Variants in EREG observed in about 807,000 individuals in gnomAD.
The protein encoded by EREG is proepiregulin.
A neutral mutation model predicts 22.4 loss-of-function variants in EREG; 23 were observed. The observed-to-expected ratio is 1.03, with a 90% CI of 0.74 to 1.46. The LOEUF (loss-of-function observed/expected upper bound fraction) is 1.46. Ranked by LOEUF, EREG falls within the 40% of genes most tolerant of loss-of-function variation. The pLI, the probability that EREG is intolerant of heterozygous loss-of-function variation, is 0.00. For missense variants in EREG, 226 were observed against 205.9 expected (o/e 1.10, Z -0.60); for synonymous variants, 100 against 75.4 (o/e 1.33, Z -1.69).
Position 74,370,953 on chromosome 4 carries a change from A to G in EREG, c.67+5578A>G, listed in dbSNP as rs779902420. ...TTTCAACCTTGTCTCAGTTGACATT[A>G]GGGACTAAATAATTCTTTGTTGCAG... On this transcript the variant is annotated intron_variant, in intron 1 of 4. Coordinates refer to ENST00000244869, the MANE Select transcript of EREG (RefSeq NM_001432.3). Among the ~76,000 whole-genome samples, 13 of 152,274 alleles carry G rather than the reference A, an allele frequency of 8.5e-5. No individual in the cohort carries two copies. In the Middle Eastern group the frequency reaches 0.01, roughly 120 times the overall value.
chr4:74,378,529 G>A (rs533060681), intron 1 of EREG, among the ~76,000 whole-genome samples: 8 of 152,246 alleles, frequency 5.3e-5, no homozygotes, highest in African/African-American at 1.7e-4. Context: ...GCAAGCTGAA[G>A]CCATTAATTA....
At chr4:74,375,927 T>C (rs1752374854) in intron 1 of EREG, among the ~76,000 whole-genome samples, 1 of 152,186 alleles carries the variant, frequency 6.6e-6, no homozygotes, top group South Asian at 2.1e-4. Flanking sequence ...CTGTAAAATA[T>C]CCTGCTGTAG....
At chr4:74,370,473 C>G (rs1752270957) in intron 1 of EREG, among the ~76,000 whole-genome samples, 1 of 151,934 alleles carries the variant, frequency 6.6e-6, no homozygotes, top group South Asian at 2.1e-4. Flanking sequence ...AGCAAAATAC[C>G]TAGAGGTTAA....
intron 1 of EREG, among the ~76,000 whole-genome samples, chr4:74,374,472 G>T (rs1277227226): frequency 6.6e-6 from 1 of 152,152 alleles, no homozygotes; most frequent in East Asian, 1.9e-4. Context: ...AGGGATTCGA[G>T]GCTGCAGTGA....
At chr4:74,384,020 A>G (rs998657883) in intron 4 of EREG, among the ~76,000 whole-genome samples, 7 of 152,192 alleles carry the variant, frequency 4.6e-5, no homozygotes, top group African/African-American at 1.4e-4. Flanking sequence ...CCTCAAAGCT[A>G]CATGTCTTAT....
chr4:74,365,265 C>G lies in EREG; in HGVS notation c.-44C>G. ...GCTCCCGCCCTGCCCGTGCACTCTC[C>G]GCAGCCGCCCTCCGCCAAGCCCCAG... On this transcript the variant is annotated 5_prime_UTR_variant, in exon 1 of 5. Transcript: ENST00000244869. 6.5e-7 allele frequency: 1 copy of G among 1,540,406 alleles called. No individual in the cohort carries two copies.
At chr4:74,384,648 C>A in intron 4 of EREG, 79 bp from the exon 5 acceptor site, 3 of 747,430 alleles carry the variant, frequency 4.0e-6, no homozygotes, top group Non-Finnish European at 7.1e-6. Flanking sequence ...GCTAATGTGC[C>A]TTTGGAGTCC....
rs1034181924 is a variant in EREG at position 74,365,227 on chromosome 4, C to T, written c.-82C>T. 19 of 1,134,930 alleles carry T rather than the reference C, an allele frequency of 1.7e-5. No individual in the cohort carries two copies. Among genetic ancestry groups the T allele is most frequent in the Non-Finnish European group, 2.3e-5 (18 of 772,390 alleles). 70.3% of individuals were successfully genotyped at this position (1,134,930 alleles called of 1,614,324 possible). ...CTGACAGCCGCTCTCCAGCCACTGC[C>T]GCGAGCCCGTCTGCTCCCGCCCTGC... On this transcript the variant is annotated 5_prime_UTR_variant, in exon 1 of 5. Transcript: ENST00000244869.
In EREG at chr4:74,388,432, C is replaced by T. The variant is rs990664909; in HGVS notation, c.*3624C>T. ...TGTTAAATGTAATATAATGTATTTT[C>T]TTTTTATTTTGCACTCTGTAATTGC... is the stretch of plus-strand genomic sequence containing the variant. On this transcript the variant is annotated 3_prime_UTR_variant, in exon 5 of 5. Transcript: ENST00000244869. 2 of 152,312 alleles carry T rather than the reference C, an allele frequency of 1.3e-5. No homozygotes were observed. The highest frequency in any genetic ancestry group is 2.9e-5 in the Non-Finnish European group (2 of 67,938). The allele number at this position is 152,312 out of a possible 1,614,324, so 9.4% of individuals were successfully genotyped here.
At chr4:74,384,452 G>T (rs769666590) in intron 4 of EREG, among the ~76,000 whole-genome samples, 1 of 152,068 alleles carries the variant, frequency 6.6e-6, no homozygotes. Flanking sequence ...GTGGCCACAC[G>T]CCTCTTGGAA....
At chr4:74,369,892 A>C (rs925743901) in intron 1 of EREG, among the ~76,000 whole-genome samples, 1 of 152,116 alleles carries the variant, frequency 6.6e-6, no homozygotes, top group South Asian at 2.1e-4. Flanking sequence ...AAGATGATAC[A>C]TGAATTCATA....
chr4:74,376,454 T>G (rs1752384047), intron 1 of EREG, among the ~76,000 whole-genome samples: 1 of 152,236 alleles, frequency 6.6e-6, no homozygotes, highest in South Asian at 2.1e-4. Context: ...GATTTCATTC[T>G]TCAGTAGTGA....
chr4:74,368,557 T>TA (rs1026658892), intron 1 of EREG, among the ~76,000 whole-genome samples: 13 of 151,998 alleles, frequency 8.6e-5, no homozygotes, highest in African/African-American at 3.1e-4. Flanking sequence ...TTCCTTGGTT[T>TA]AAAAAAAATA....
rs767567082 is a variant in EREG at position 74,388,001 on chromosome 4, C to T, written c.*3193C>T. The T allele has an allele frequency of 2.6e-5, 4 of 152,118 alleles. No individual in the cohort carries two copies. The highest frequency in any genetic ancestry group is 1.3e-4 in the Admixed American group (2 of 15,272). 9.4% of individuals were successfully genotyped at this position (152,118 alleles called of 1,614,324 possible). A position where few individuals can be genotyped will look rare whatever the true frequency, so the allele number is the denominator to read the frequency against. ...AATATTTTTTGCTCTAATCTCTCTGCCGAAAGTCAAAGTGATGGGAGAATT... is the reference window on the plus strand; with the variant it reads ...AATATTTTTTGCTCTAATCTCTCTGTCGAAAGTCAAAGTGATGGGAGAATT... On this transcript the variant is annotated 3_prime_UTR_variant, in exon 5 of 5. Transcript: ENST00000244869.
At chr4:74,369,613 C>A (rs1258106640) in intron 1 of EREG, among the ~76,000 whole-genome samples, 1 of 152,044 alleles carries the variant, frequency 6.6e-6, no homozygotes, top group Non-Finnish European at 1.5e-5. Flanking sequence ...AAACATTAAT[C>A]TTTTAGGTTA....
At chr4:74,381,169 G>A (rs1461864170) in intron 3 of EREG, 32 bp downstream of exon 3, 1 of 1,595,308 alleles carries the variant, frequency 6.3e-7, no homozygotes, top group Non-Finnish European at 8.5e-7. Flanking sequence ...AACACAGTTT[G>A]TAAAATTTTG....
intron 4 of EREG, 94 bp from the exon 5 acceptor site, chr4:74,384,633 A>T: frequency 1.6e-6 from 1 of 632,936 alleles, no homozygotes; most frequent in South Asian, 2.5e-5. Flanking sequence ...TTTTGGAAAC[A>T]CTATGCTAAT....
At chr4:74,379,612 A>G in intron 2 of EREG, 78 bp downstream of exon 2, 1 of 866,898 alleles carries the variant, frequency 1.2e-6, no homozygotes, top group South Asian at 1.5e-5. Context: ...GACTATAAGT[A>G]TGTGATAATT....
rs201666232 is a variant in EREG, at chr4:74,365,295, C to G, written c.-14C>G. On this transcript the variant is annotated 5_prime_UTR_variant, in exon 1 of 5. Transcript: ENST00000244869. ...CCGCCCTCCGCCAAGCCCCAGCGCC[C>G]GCTCCCATCGCCGATGACCGCGGGG... The G allele has an allele frequency of 8.1e-6, 13 of 1,600,526 alleles. No individual in the cohort carries two copies. In the African/African-American group the frequency reaches 9.3e-5, roughly 11 times the overall value.
Sources: gnomAD v4.1 joint callset for allele counts (sites outside exome capture counted in the v4.1 genomes callset) on GRCh38, gnomAD v4.1.1 for gene constraint, MANE v1.5 for transcripts, NCBI Gene and HGNC (gene_info 2026-07-23, HGNC 2026-07-21) for gene names.